The following TNFRSF11A variants were observed in gnomAD, a reference collection of about 807,000 sequenced individuals.
The protein encoded by TNFRSF11A is TNF receptor superfamily member 11a.
In TNFRSF11A, 32 loss-of-function variants were observed where a neutral mutation model predicts 55.7. That is an observed-to-expected ratio of 0.57 (90% CI 0.43 to 0.77). TNFRSF11A has a LOEUF of 0.77. TNFRSF11A is among the 30% of genes least tolerant of loss of function. TNFRSF11A has a pLI of 0.00. For missense variants in TNFRSF11A, 753 were observed against 809.8 expected, an observed-to-expected ratio of 0.93 and a Z score of 0.85; for synonymous variants, 311 against 331.0, an observed-to-expected ratio of 0.94 and a Z score of 0.65.
chr18:62,370,336 C>G (rs1156764248), intron 9 of TNFRSF11A, among the ~76,000 whole-genome samples: 1 of 152,150 alleles, frequency 6.6e-6, no homozygotes, highest in Non-Finnish European at 1.5e-5. Context: ...ACAGACACTC[C>G]CTCCAGAAAA....
At chr18:62,373,189 G>A (rs1910670249) in intron 9 of TNFRSF11A, among the ~76,000 whole-genome samples, 1 of 152,222 alleles carries the variant, frequency 6.6e-6, no homozygotes, top group Non-Finnish European at 1.5e-5. Flanking sequence ...TGGGTGCAGT[G>A]GCTCACGCCT....
Position 62,385,224 on chromosome 18 carries a change from A to G in TNFRSF11A, c.*190A>G. The G allele has an allele frequency of 3.5e-6, 2 of 568,652 alleles. No homozygotes were observed. The highest frequency in any genetic ancestry group is 5.5e-6 in the Non-Finnish European group (2 of 363,810). 35.2% of individuals were successfully genotyped at this position (568,652 alleles called of 1,614,324 possible). ...AAGTGAATTGATGAGGACTGTCCCCATGCCCACGGATGCTCAGCAGCCCGC... is the reference window on the plus strand; with the variant it reads ...AAGTGAATTGATGAGGACTGTCCCCGTGCCCACGGATGCTCAGCAGCCCGC... On this transcript the variant is annotated 3_prime_UTR_variant, in exon 10 of 10. Coordinates refer to ENST00000586569, the MANE Select transcript of TNFRSF11A (RefSeq NM_003839.4).
chr18:62,341,844 T>TTTC, intron 1 of TNFRSF11A, among the ~76,000 whole-genome samples: 1 of 150,204 alleles, frequency 6.7e-6, no homozygotes, highest in East Asian at 1.9e-4. Context: ...GGCTTTTTTT[T>TTTC]TTTTTTTTTT....
At chr18:62,337,444 C>T (rs2046250981) in intron 1 of TNFRSF11A, among the ~76,000 whole-genome samples, 4 of 152,126 alleles carry the variant, frequency 2.6e-5, no homozygotes, top group South Asian at 2.1e-4. Context: ...ACTCACAATG[C>T]GTATAAATTA....
chr18:62,374,670 G>A (rs1910768000), intron 9 of TNFRSF11A, among the ~76,000 whole-genome samples: 1 of 152,156 alleles, frequency 6.6e-6, no homozygotes, highest in South Asian at 2.1e-4. Flanking sequence ...AATTCTGTCA[G>A]GGATTGTGTT....
chr18:62,360,087 C>T, intron 6 of TNFRSF11A, 38 bp downstream of exon 6: 3 of 1,580,822 alleles, frequency 1.9e-6, no homozygotes, highest in Non-Finnish European at 2.6e-6. Context: ...ATAGATGTGC[C>T]CCAGGGTGGT....
At chr18:62,372,048 G>A (rs1437388232) in intron 9 of TNFRSF11A, among the ~76,000 whole-genome samples, 1 of 152,156 alleles carries the variant, frequency 6.6e-6, no homozygotes, top group Non-Finnish European at 1.5e-5. Context: ...AGTATCTCCT[G>A]TCCCAGCATC....
At position 62,384,937 on chromosome 18, in the gene TNFRSF11A, G is replaced by T. The variant is rs1490028676; in HGVS notation, c.1754G>T (p.Gly585Val). Reference protein sequence around the residue: ...LARRDSFAGNGPRFPDPCGGP... With the variant: ...LARRDSFAGNVPRFPDPCGGP... ...CGCCGAGACTCCTTCGCGGGGAACGGCCCGCGCTTCCCGGACCCGTGCGGC... is the reference window on the plus strand; with the variant it reads ...CGCCGAGACTCCTTCGCGGGGAACGTCCCGCGCTTCCCGGACCCGTGCGGC... Residue 585 changes from glycine (G) to valine (V), a missense_variant, in exon 10 of 10, where the codon GGC becomes GTC. Transcript: ENST00000586569. 5.8e-6 allele frequency: 9 copies of T among 1,542,208 alleles called. No homozygotes were observed. The African/African-American group carries it at 1.2e-4, about 21-fold the overall frequency.
At chr18:62,372,679 A>C (rs1323300023) in intron 9 of TNFRSF11A, among the ~76,000 whole-genome samples, 1 of 152,024 alleles carries the variant, frequency 6.6e-6, no homozygotes, top group East Asian at 1.9e-4. Flanking sequence ...CCTAGTTAGA[A>C]GTGCCCAGTG....
In TNFRSF11A at chr18:62,391,153, G is replaced by C. The variant is rs1381056902; in HGVS notation, c.*6119G>C. The C allele has an allele frequency of 2.0e-5, 3 of 152,224 alleles. No individual in the cohort carries two copies. The highest frequency in any genetic ancestry group is 7.2e-5 in the African/African-American group (3 of 41,440). The allele number at this position is 152,224 out of a possible 1,614,324, so 9.4% of individuals were successfully genotyped here. ...GCTTCTTTCCACATAATGTCCTTGA[G>C]ATCCATCGGTGGGTACACCAGTAGT... On this transcript the variant is annotated 3_prime_UTR_variant, in exon 10 of 10. Coordinates refer to ENST00000586569, the MANE Select transcript of TNFRSF11A (RefSeq NM_003839.4).
chr18:62,363,934 A>T (rs1371293719), intron 7 of TNFRSF11A, among the ~76,000 whole-genome samples: 1 of 152,186 alleles, frequency 6.6e-6, no homozygotes, highest in East Asian at 1.9e-4. Flanking sequence ...CCTTTCATCC[A>T]TACATGTTTA....
At chr18:62,343,683 C>T (rs1013194322) in intron 1 of TNFRSF11A, among the ~76,000 whole-genome samples, 6 of 152,098 alleles carry the variant, frequency 3.9e-5, no homozygotes, top group Admixed American at 3.9e-4. Context: ...AGATAAACAC[C>T]AGCCTGTATG....
chr18:62,380,932 A>T (rs1911242725), intron 9 of TNFRSF11A, among the ~76,000 whole-genome samples: 2 of 151,662 alleles, frequency 1.3e-5, no homozygotes, highest in African/African-American at 2.4e-5. Flanking sequence ...CCTCCCAAGT[A>T]GCTGTGACTA....
rs765573888 is a variant in TNFRSF11A, at chr18:62,358,355, A to G, written c.521+14A>G. Reference sequence around the variant, plus strand: ...ACCCTGGACCAAGTAAGTAACAACAAAGGAGTCAGAAGAGATGGTTGGTTT... The same window carrying G: ...ACCCTGGACCAAGTAAGTAACAACAGAGGAGTCAGAAGAGATGGTTGGTTT... On this transcript the variant is annotated intron_variant, in intron 5 of 9. Coordinates refer to ENST00000586569, the MANE Select transcript of TNFRSF11A (RefSeq NM_003839.4). 6.2e-7 allele frequency: 1 copy of G among 1,610,266 alleles called. No homozygotes were observed. The highest frequency in any genetic ancestry group is 1.3e-5 in the African/African-American group (1 of 74,938).
At chr18:62,332,899 T>C (rs909199071) in intron 1 of TNFRSF11A, among the ~76,000 whole-genome samples, 1 of 152,190 alleles carries the variant, frequency 6.6e-6, no homozygotes, top group Admixed American at 6.5e-5. Context: ...GATGTCCCAT[T>C]CTTCGTTCCC....
chr18:62,349,166 C>CTTTTTT (rs35392545), intron 2 of TNFRSF11A, among the ~76,000 whole-genome samples: 5 of 143,320 alleles, frequency 3.5e-5, no homozygotes, highest in Non-Finnish European at 4.6e-5. Flanking sequence ...CATTCTATTC[C>CTTTTTT]TTTTTTTTTT....
intron 1 of TNFRSF11A, among the ~76,000 whole-genome samples, chr18:62,341,186 C>T (rs1193631608): frequency 2.6e-5 from 4 of 152,206 alleles, no homozygotes; most frequent in African/African-American, 7.2e-5. Context: ...AAGTGTGGCT[C>T]GTGGAACTGA....
Position 62,349,882 on chromosome 18 carries a change from C to T in TNFRSF11A, c.228C>T (p.Tyr76=). ...GTCTGCCCTGTGGCCCGGATGAATA[C>T]TTGGATAGCTGGAATGAAGAAGATA... ...SVCLPCGPDE[Y]LDSWNEEDKC... is the part of the protein sequence containing the mutation. The change falls in exon 3 of 10, where the codon TAC becomes TAT. Residue 76 remains tyrosine (Y), a synonymous_variant. Transcript: ENST00000586569. 3 of 1,614,084 alleles carry T rather than the reference C, an allele frequency of 1.9e-6. No individual in the cohort carries two copies. The highest frequency in any genetic ancestry group is 1.7e-6 in the Non-Finnish European group (2 of 1,179,992).
intron 1 of TNFRSF11A, among the ~76,000 whole-genome samples, chr18:62,346,966 G>A (rs185409610): frequency 6.6e-6 from 1 of 152,090 alleles, no homozygotes; most frequent in Non-Finnish European, 1.5e-5. Flanking sequence ...TGCTCATATT[G>A]TCCAAAGTCT....
Sources: gnomAD v4.1 joint callset for allele counts (sites outside exome capture counted in the v4.1 genomes callset) on GRCh38, gnomAD v4.1.1 for gene constraint, MANE v1.5 for transcripts, NCBI Gene and HGNC (gene_info 2026-07-23, HGNC 2026-07-21) for gene names.